Variants in ADGRL2 observed in about 807,000 individuals in gnomAD.
ADGRL2 encodes adhesion G protein-coupled receptor L2.
Under a neutral mutation model 157.4 loss-of-function variants are expected in ADGRL2, and 44 were observed. That is an observed-to-expected ratio of 0.28 (90% CI 0.22 to 0.36). The LOEUF (loss-of-function observed/expected upper bound fraction) is 0.36, where lower values mean the gene tolerates loss of function less well. ADGRL2 is among the 10% of genes least tolerant of loss of function. The pLI is 1.00. For missense variants in ADGRL2, 1,510 were observed against 1,768.9 expected (o/e 0.85, Z 2.63); for synonymous variants, 585 against 624.7 (o/e 0.94, Z 0.95).
chr1:81,764,779 A>T (rs1478134134), intron 2 of ADGRL2, among the ~76,000 whole-genome samples: 2 of 152,098 alleles, frequency 1.3e-5, no homozygotes, highest in African/African-American at 4.8e-5. Flanking sequence ...TAAGATTTTT[A>T]AAATAAAATT....
chr1:81,378,541 G>T (rs896180255), intron 1 of ADGRL2, among the ~76,000 whole-genome samples: 4 of 136,024 alleles, frequency 2.9e-5, no homozygotes, highest in African/African-American at 1.1e-4. Context: ...CTCCAGCCTG[G>T]ACACCAGAAT....
At chr1:81,778,592 G>C (rs11163370) in intron 2 of ADGRL2, among the ~76,000 whole-genome samples, 31,768 of 151,974 alleles carry the variant, frequency 0.21, 3,741 homozygotes, top group African/African-American at 0.32. Context: ...AAGCTATTCC[G>C]CACCGCTCAC....
At chr1:81,832,268 T>C (rs1470059177) in intron 1 of ADGRL2, among the ~76,000 whole-genome samples, 1 of 152,080 alleles carries the variant, frequency 6.6e-6, no homozygotes, top group East Asian at 1.9e-4. Context: ...TAGCCTCCTG[T>C]GTAGCTGGGA....
chr1:81,344,419 G>T (rs1662311440), intron 1 of ADGRL2, among the ~76,000 whole-genome samples: 1 of 152,148 alleles, frequency 6.6e-6, no homozygotes, highest in Non-Finnish European at 1.5e-5. Flanking sequence ...GCTCACACCT[G>T]TAATCTCAGC....
intron 3 of ADGRL2, among the ~76,000 whole-genome samples, chr1:81,912,147 C>T (rs1201635110): frequency 1.3e-5 from 2 of 151,968 alleles, no homozygotes; most frequent in East Asian, 1.9e-4. Flanking sequence ...TCTCTGCTCA[C>T]TGGAGCCTCT....
At chr1:81,939,721 A>G (rs1040803855) in intron 4 of ADGRL2, among the ~76,000 whole-genome samples, 3 of 151,178 alleles carry the variant, frequency 2.0e-5, no homozygotes, top group African/African-American at 7.3e-5. Flanking sequence ...GACAAGTTGT[A>G]GTATATATTT....
At chr1:81,459,844 A>T (rs947313779) in intron 2 of ADGRL2, among the ~76,000 whole-genome samples, 1 of 151,582 alleles carries the variant, frequency 6.6e-6, no homozygotes, top group African/African-American at 2.4e-5. Context: ...ACACACACAC[A>T]TACACACACT....
chr1:81,965,855 T>G (rs1365991794), intron 11 of ADGRL2, among the ~76,000 whole-genome samples: 2 of 152,138 alleles, frequency 1.3e-5, no homozygotes, highest in Non-Finnish European at 2.9e-5. Flanking sequence ...AATACAAAAT[T>G]TTTTTGAGAA....
chr1:81,854,355 A>T (rs553564806), intron 2 of ADGRL2, among the ~76,000 whole-genome samples: 13 of 152,284 alleles, frequency 8.5e-5, no homozygotes, highest in African/African-American at 3.1e-4. Context: ...CTGTAGTGAA[A>T]TTACATTTGT....
intron 1 of ADGRL2, among the ~76,000 whole-genome samples, chr1:81,702,291 C>T (rs537403018): frequency 3.5e-4 from 54 of 152,264 alleles, no homozygotes; most frequent in African/African-American, 1.3e-3. Context: ...TTCAATATGA[C>T]CAGCTGAGAA....
At chr1:81,452,280 C>T (rs548117412) in intron 2 of ADGRL2, among the ~76,000 whole-genome samples, 6 of 152,090 alleles carry the variant, frequency 3.9e-5, no homozygotes, top group Non-Finnish European at 7.4e-5. Flanking sequence ...TTGATTATTC[C>T]GCCCAGGTTT....
At chr1:81,508,017 TA>T (rs2079009939) in intron 2 of ADGRL2, among the ~76,000 whole-genome samples, 2 of 152,254 alleles carry the variant, frequency 1.3e-5, no homozygotes, top group Admixed American at 6.5e-5. Flanking sequence ...TTTTGCCTTT[TA>T]TTTGCTATTT....
intron 3 of ADGRL2, among the ~76,000 whole-genome samples, chr1:81,616,308 A>G (rs1557508815): frequency 6.6e-6 from 1 of 152,192 alleles, no homozygotes; most frequent in Non-Finnish European, 1.5e-5. Context: ...AACAGGTACC[A>G]CACGCAGGAC....
intron 1 of ADGRL2, chr1:81,721,638 G>T (rs1290782314): frequency 6.4e-6 from 5 of 786,270 alleles, no homozygotes; most frequent in African/African-American, 5.2e-5. Context: ...CCAAGCCAGC[G>T]CCTGGGCCTG....
intron 3 of ADGRL2, among the ~76,000 whole-genome samples, chr1:81,687,756 A>G (rs1053343509): frequency 2.0e-5 from 3 of 152,014 alleles, no homozygotes; most frequent in Non-Finnish European, 4.4e-5. Context: ...TTCTTGTTTT[A>G]CAGGTCCTGG....
chr1:81,641,052 T>C (rs755791063), intron 3 of ADGRL2, among the ~76,000 whole-genome samples: 2 of 152,262 alleles, frequency 1.3e-5, no homozygotes, highest in Admixed American at 6.5e-5. Context: ...CTTCTCTATC[T>C]ATAAAGCCAA....
intron 3 of ADGRL2, among the ~76,000 whole-genome samples, chr1:81,920,596 G>C (rs2094955161): frequency 1.3e-5 from 2 of 152,026 alleles, no homozygotes; most frequent in Non-Finnish European, 2.9e-5. Flanking sequence ...TTCATTTCAG[G>C]GACATCTCTG....
chr1:81,985,402 T>G, intron 21 of ADGRL2, 47 bp downstream of exon 21: 1 of 1,009,818 alleles, frequency 9.9e-7, no homozygotes, highest in Non-Finnish European at 1.5e-6. Context: ...TTAAAGTACA[T>G]ATAAGTTCCT....
chr1:81,690,161 A>T (rs528053844), intron 3 of ADGRL2, among the ~76,000 whole-genome samples: 30 of 152,254 alleles, frequency 2.0e-4, no homozygotes, highest in African/African-American at 7.0e-4. Flanking sequence ...CATCGATTTG[A>T]TCTTCCCAGT....
Sources: allele counts gnomAD v4.1 joint callset (sites outside exome capture counted in the v4.1 genomes callset), GRCh38; gene constraint gnomAD v4.1.1; transcripts MANE v1.5; gene names NCBI Gene and HGNC (gene_info 2026-07-23, HGNC 2026-07-21).